The following MRPS2 variants were observed in gnomAD, a reference collection of about 807,000 sequenced individuals.
MRPS2 encodes the protein small ribosomal subunit protein uS2m.
MRPS2 carries 13 observed loss-of-function variants against 18.9 expected under a neutral mutation model. The ratio of observed to expected loss-of-function variants is 0.69; its 90% CI spans 0.45 to 1.09. The LOEUF is 1.09. Among genes scored for constraint, MRPS2 ranks in the 50% least tolerant of loss-of-function variants. The probability of loss-of-function intolerance (pLI) is 0.00; values close to 1 mark genes in which losing one functional copy is unlikely to be tolerated. For synonymous variants in MRPS2, 186 were observed against 178.4 expected (o/e 1.04, Z -0.34); for missense variants, 389 against 421.7 (o/e 0.92, Z 0.68).
chr9:135,501,371 C>T, intron 2 of MRPS2: 3 of 1,350,896 alleles, frequency 2.2e-6, no homozygotes, highest in East Asian at 6.0e-5. Flanking sequence ...GGCTTCGCTC[C>T]CTAGGGGGGT....
rs745758457 is a variant in MRPS2 at position 135,501,207 on chromosome 9, G to GCGCTGCA, written c.169+88_169+94dup. ...GGATGCGAACCCTAGAGGGGCCTGG[G>GCGCTGCA]CGCTGCACGCGGTCGAAACTGCGCG... is the stretch of plus-strand genomic sequence containing the variant. On this transcript the variant is annotated intron_variant, in intron 2 of 3. Coordinates refer to ENST00000241600, the MANE Select transcript of MRPS2 (RefSeq NM_016034.5). The GCGCTGCA allele has an allele frequency of 1.8e-3, 2,705 of 1,462,506 alleles. 11 individuals are homozygous for GCGCTGCA. The highest frequency in any genetic ancestry group is 5.3e-3 in the South Asian group (380 of 71,742). The allele number at this position is 1,462,506 out of a possible 1,614,324, so 90.6% of individuals were successfully genotyped here.
intron 3 of MRPS2, chr9:135,502,333 C>A: frequency 1.1e-6 from 1 of 949,582 alleles, no homozygotes; most frequent in Non-Finnish European, 1.3e-6. Context: ...GTCCTGTATT[C>A]TCACATGGTC....
chr9:135,500,109 C>A, upstream of MRPS2: 1 of 493,384 alleles, frequency 2.0e-6, no homozygotes, highest in Non-Finnish European at 3.5e-6. Flanking sequence ...ACCCCAGCAT[C>A]AGGGCGTGGA....
In MRPS2 at chr9:135,503,920, C is replaced by A. The variant is rs1447898162; in HGVS notation, c.678C>A (p.Asn226Lys). 1.2e-6 allele frequency: 2 copies of A among 1,613,916 alleles called. No homozygotes were observed. The highest frequency in any genetic ancestry group is 1.7e-6 in the Non-Finnish European group (2 of 1,180,058). Residue 226 changes from asparagine to lysine, a missense_variant, in exon 4 of 4, where the codon AAC becomes AAA. Physicochemically the swap from Asn to Lys is moderately conservative, Grantham distance 94. Coordinates refer to ENST00000241600, the MANE Select transcript of MRPS2 (RefSeq NM_016034.5). The part of the protein sequence containing the change: ...NIPTVGIVDT[N>K]CNPCLITYPV... ...CCACAGTGGGCATCGTGGACACCAA[C>A]TGCAACCCCTGCCTCATCACCTACC...
intron 3 of MRPS2, chr9:135,503,095 T>C (rs1482298817): frequency 2.0e-6 from 2 of 999,930 alleles, no homozygotes; most frequent in East Asian, 1.1e-4. Flanking sequence ...CCGCCCAGGC[T>C]TGGCCACTCC....
intron 2 of MRPS2, 63 bp downstream of exon 2, chr9:135,501,186 G>A: frequency 6.6e-7 from 1 of 1,510,028 alleles, no homozygotes; most frequent in Admixed American, 2.0e-5. Flanking sequence ...CGCGGGGGAT[G>A]CGAACCCTAG....
intron 3 of MRPS2, chr9:135,503,244 T>C (rs1464349528): frequency 1.6e-6 from 2 of 1,246,898 alleles, no homozygotes; most frequent in African/African-American, 1.5e-5. Flanking sequence ...AATGTCCTTT[T>C]GGCGTCATGT....
Position 135,503,604 on chromosome 9 carries a change from C to G in MRPS2, c.362C>G (p.Thr121Arg). ...LDHDIIDLEQ[T>R]ATHLQLALNF... is the part of the protein sequence containing the mutation. ...CACGACATCATCGACCTGGAACAGA[C>G]AGCCACGCACCTCCAGCTGGCCTTG... The change falls in exon 4 of 4, where the codon ACA becomes AGA. Residue 121 changes from threonine (T) to arginine (R), a missense_variant. By Grantham distance (71) the Thr-to-Arg change is moderately conservative. Transcript: ENST00000241600. 6.2e-7 allele frequency: 1 copy of G among 1,613,802 alleles called. No individual in the cohort carries two copies. The highest frequency in any genetic ancestry group is 8.5e-7 in the Non-Finnish European group (1 of 1,180,030).
At chr9:135,502,401 G>A (rs1003176211) in intron 3 of MRPS2, 2 of 560,768 alleles carry the variant, frequency 3.6e-6, no homozygotes, top group Admixed American at 5.7e-5. Context: ...CAGGGAGGAG[G>A]TTGGTGTGGG....
intron 3 of MRPS2, chr9:135,502,378 G>GC: frequency 4.7e-6 from 2 of 423,082 alleles, no homozygotes; most frequent in Non-Finnish European, 6.6e-6. Flanking sequence ...GATGGGAGGG[G>GC]CAGGTGGGAG....
upstream of MRPS2, chr9:135,500,213 CT>C (rs2119354435): frequency 1.5e-5 from 5 of 324,816 alleles, no homozygotes; most frequent in Non-Finnish European, 2.8e-5. Context: ...AACGATTGGA[CT>C]TTTGCTGTCC....
At chr9:135,500,805 AG>A in intron 1 of MRPS2, 52 bp downstream of exon 1, 1 of 1,491,436 alleles carries the variant, frequency 6.7e-7, no homozygotes, top group Non-Finnish European at 8.9e-7. Flanking sequence ...GAGGATGCGG[AG>A]GGGCGCGGGG....
chr9:135,503,103 T>TGGTTCC (rs1448797828), intron 3 of MRPS2: 1 of 1,024,580 alleles, frequency 9.8e-7, no homozygotes, highest in East Asian at 9.8e-5. Context: ...GCTTGGCCAC[T>TGGTTCC]CCTGCCCTGA....
Position 135,504,472 on chromosome 9 carries a change from TTGTC to T in MRPS2, c.*340_*343del, listed in dbSNP as rs1308321549. ...CTCCCTTCACCGTGACCCCTGACCT[TTGTC>T]AGGAAGGTGCAGTTTTTCTTCTCAA... On this transcript the variant is annotated 3_prime_UTR_variant, in exon 4 of 4. Transcript: ENST00000241600. This position sits in a 1 kb window ranked among gnomAD's most constrained non-coding sequence, Gnocchi z 4.3. 1.1e-5 allele frequency: 3 copies of T among 285,246 alleles called. No homozygotes were observed. Among genetic ancestry groups the T allele is most frequent in the Non-Finnish European group, 2.0e-5 (3 of 153,062 alleles). 17.7% of individuals were successfully genotyped at this position (285,246 alleles called of 1,614,324 possible).
chr9:135,503,167 C>G, intron 3 of MRPS2: 1 of 1,078,862 alleles, frequency 9.3e-7, no homozygotes. Flanking sequence ...CCAGAGGGGC[C>G]TCATCCGCAA....
rs1831164730 is a variant in MRPS2, at chr9:135,502,272, T to A, written c.299+299T>A. On this transcript the variant is annotated intron_variant, in intron 3 of 3. Coordinates refer to ENST00000241600, the MANE Select transcript of MRPS2 (RefSeq NM_016034.5). Reference sequence around the variant, plus strand: ...CTGAGGGCAGAACCTGTAAGGTTGGTCCCCCCGGATCGGGCTGGGCCTTCT... The same window carrying A: ...CTGAGGGCAGAACCTGTAAGGTTGGACCCCCCGGATCGGGCTGGGCCTTCT... 7.7e-6 allele frequency: 9 copies of A among 1,163,230 alleles called. No homozygotes were observed. The South Asian group carries it at 1.4e-4, about 18-fold the overall frequency. The allele number at this position is 1,163,230 out of a possible 1,614,324, so 72.1% of individuals were successfully genotyped here. A position where few individuals can be genotyped will look rare whatever the true frequency, so the allele number is the denominator to read the frequency against.
Position 135,501,131 on chromosome 9 carries a change from T to C in MRPS2, c.169+8T>C. 6.3e-7 allele frequency: 1 copy of C among 1,580,586 alleles called. No homozygotes were observed. The highest frequency in any genetic ancestry group is 1.1e-5 in the South Asian group (1 of 88,106). On this transcript the variant is annotated splice_region_variant and intron_variant, in intron 2 of 3. Transcript: ENST00000241600. ...AGTCGGAGGACAGCACCGGTAACACTGGGCGCCCAGCCGAGTTGGGTGGGA... is the reference window on the plus strand; with the variant it reads ...AGTCGGAGGACAGCACCGGTAACACCGGGCGCCCAGCCGAGTTGGGTGGGA...
Position 135,501,868 on chromosome 9 carries a change from A to G in MRPS2, c.194A>G (p.Glu65Gly). 6.2e-7 allele frequency: 1 copy of G among 1,613,694 alleles called. No individual in the cohort carries two copies. The highest frequency in any genetic ancestry group is 8.5e-7 in the Non-Finnish European group (1 of 1,179,932). ...GATTTCAACGACAAGATTTTGAATG[A>G]GCCCCTCAAGCACTCTGACTTCTTC... ...STDFNDKILNEPLKHSDFFNV... is the reference protein window; with the variant it reads ...STDFNDKILNGPLKHSDFFNV... The change falls in exon 3 of 4, where the codon GAG becomes GGG. Residue 65 changes from glutamate to glycine, a missense_variant. Coordinates refer to ENST00000241600, the MANE Select transcript of MRPS2 (RefSeq NM_016034.5).
Position 135,503,619 on chromosome 9 carries a change from A to G in MRPS2, c.377A>G (p.Gln126Arg), listed in dbSNP as rs1167897380. ...IDLEQTATHL[Q>R]LALNFTAHMA... is the part of the protein sequence containing the mutation. ...CTGGAACAGACAGCCACGCACCTCC[A>G]GCTGGCCTTGAACTTCACCGCCCAC... The change falls in exon 4 of 4, where the codon CAG (glutamine) becomes CGG (arginine). Residue 126 changes from glutamine (Q) to arginine (R), a missense_variant. Physicochemically the swap from Gln to Arg is conservative, Grantham distance 43 (BLOSUM62 1). Coordinates refer to ENST00000241600, the MANE Select transcript of MRPS2 (RefSeq NM_016034.5). 1 of 1,613,650 alleles carries G rather than the reference A, an allele frequency of 6.2e-7. No individual in the cohort carries two copies. Among genetic ancestry groups the G allele is most frequent in the African/African-American group, 1.3e-5 (1 of 74,906 alleles).
Sources: allele counts gnomAD v4.1 joint callset, GRCh38; gene constraint gnomAD v4.1.1; non-coding constraint Gnocchi (gnomAD v3.1); transcripts MANE v1.5; gene names NCBI Gene and HGNC (gene_info 2026-07-23, HGNC 2026-07-21).